Variants in MOB3B observed in about 807,000 individuals in gnomAD.
MOB3B encodes MOB kinase activator 3B.
MOB3B carries 7 observed loss-of-function variants against 18.7 expected under a neutral mutation model. The observed-to-expected ratio is 0.37, with a 90% confidence interval of 0.21 to 0.70. The LOEUF (loss-of-function observed/expected upper bound fraction) is 0.70, where lower values mean the gene tolerates loss of function less well. Among genes scored for constraint, MOB3B ranks in the 30% least tolerant of loss-of-function variants. The pLI is 0.52. For missense variants in MOB3B, 253 were observed against 281.3 expected, an observed-to-expected ratio of 0.90 and a Z score of 0.72; for synonymous variants, 111 against 99.9, an observed-to-expected ratio of 1.11 and a Z score of -0.66.
chr9:27,482,839 C>T (rs1338846837), intron 1 of MOB3B, among the ~76,000 whole-genome samples: 1 of 152,104 alleles, frequency 6.6e-6, no homozygotes. Flanking sequence ...TTGTATTCAT[C>T]AGAAGGCACA....
At chr9:27,513,634 C>T (rs1820179062) in intron 1 of MOB3B, among the ~76,000 whole-genome samples, 1 of 152,154 alleles carries the variant, frequency 6.6e-6, no homozygotes, top group South Asian at 2.1e-4. Context: ...TTGCTGTTCC[C>T]TCTGTCCAAA....
At chr9:27,505,384 C>G (rs1820043364) in intron 1 of MOB3B, among the ~76,000 whole-genome samples, 1 of 152,196 alleles carries the variant, frequency 6.6e-6, no homozygotes, top group African/African-American at 2.4e-5. Context: ...TCCCTAGATA[C>G]ATTCTACATT....
chr9:27,370,947 C>T (rs75789858), intron 2 of MOB3B, among the ~76,000 whole-genome samples: 7,016 of 152,142 alleles, frequency 0.046, 206 homozygotes, highest in African/African-American at 0.051. Flanking sequence ...TAAGGAGTAA[C>T]GCTACCGTGA....
chr9:27,400,631 G>C (rs945524138), intron 2 of MOB3B, among the ~76,000 whole-genome samples: 2 of 152,194 alleles, frequency 1.3e-5, no homozygotes, highest in African/African-American at 4.8e-5. Flanking sequence ...TATTTGTCTA[G>C]ACTGTGAACA....
Position 27,331,069 on chromosome 9 carries a change from T to C in MOB3B, c.622-453A>G, listed in dbSNP as rs1320826665. ...TCTTCGAGTAGGGAAAGATTTAAGTTTCAATCAAAGATGGAAAAATAAAGG... is the reference window on the plus strand; with the variant it reads ...TCTTCGAGTAGGGAAAGATTTAAGTCTCAATCAAAGATGGAAAAATAAAGG... On this transcript the variant is annotated intron_variant, in intron 3 of 3. Coordinates refer to ENST00000262244, the MANE Select transcript of MOB3B (RefSeq NM_024761.5). Among the ~76,000 whole-genome samples the C allele has an allele frequency of 4.6e-5, 7 of 152,060 alleles. No homozygotes were observed. The East Asian group carries it at 7.8e-4, about 17-fold the overall frequency.
At chr9:27,433,651 C>T (rs1341510340) in intron 2 of MOB3B, among the ~76,000 whole-genome samples, 4 of 152,230 alleles carry the variant, frequency 2.6e-5, no homozygotes, top group East Asian at 1.9e-4. Flanking sequence ...AGAGAAGCAG[C>T]GAAGGGAGGT....
At chr9:27,340,199 C>T (rs6475990) in intron 3 of MOB3B, among the ~76,000 whole-genome samples, 86,055 of 152,010 alleles carry the variant, frequency 0.57, 25,318 homozygotes, top group African/African-American at 0.72. Context: ...TGGAGGGGTG[C>T]GTGTGTGTGA....
At chr9:27,513,204 A>G (rs1820172136) in intron 1 of MOB3B, among the ~76,000 whole-genome samples, 1 of 152,174 alleles carries the variant, frequency 6.6e-6, no homozygotes, top group African/African-American at 2.4e-5. Context: ...TATTAACCTG[A>G]ACCCAAATAT....
intron 2 of MOB3B, 149 bp downstream of exon 2, chr9:27,454,984 C>T (rs1648156736): frequency 2.4e-6 from 2 of 829,708 alleles, no homozygotes; most frequent in Middle Eastern, 3.8e-4. Context: ...TTTTTCATTT[C>T]AATGAGGCTC....
intron 1 of MOB3B, among the ~76,000 whole-genome samples, chr9:27,466,320 T>G (rs1204076719): frequency 6.6e-6 from 1 of 152,176 alleles, no homozygotes. Flanking sequence ...GTTCCTCATC[T>G]CCATCTGAGA....
chr9:27,458,377 C>T (rs1234726781), intron 1 of MOB3B, among the ~76,000 whole-genome samples: 9 of 152,008 alleles, frequency 5.9e-5, no homozygotes, highest in Admixed American at 3.3e-4. Context: ...TGAATAACAC[C>T]GAATAATCAC....
intron 2 of MOB3B, among the ~76,000 whole-genome samples, chr9:27,409,709 A>G (rs1822035590): frequency 1.3e-5 from 2 of 151,328 alleles, no homozygotes; most frequent in Admixed American, 6.6e-5. Flanking sequence ...AGATAAATGG[A>G]TAAACAAAAT....
chr9:27,343,354 C>G (rs1401188048), intron 3 of MOB3B, among the ~76,000 whole-genome samples: 2 of 151,224 alleles, frequency 1.3e-5, no homozygotes, highest in African/African-American at 4.9e-5. Flanking sequence ...CCGCGGGGTC[C>G]TCTGTCTAGG....
chr9:27,495,525 C>T (rs1346100563), intron 1 of MOB3B, among the ~76,000 whole-genome samples: 4 of 152,094 alleles, frequency 2.6e-5, no homozygotes, highest in Admixed American at 6.5e-5. Flanking sequence ...GCTGGGAGCT[C>T]CTTGAAGACA....
chr9:27,448,684 T>G (rs1248579127), intron 2 of MOB3B, among the ~76,000 whole-genome samples: 1 of 152,142 alleles, frequency 6.6e-6, no homozygotes, highest in East Asian at 1.9e-4. Flanking sequence ...TGTCAGCAGA[T>G]GAAGTGTTTA....
Position 27,330,665 on chromosome 9 carries a change from A to C in MOB3B, c.622-49T>G, listed in dbSNP as rs767533902. The C allele has an allele frequency of 3.1e-6, 5 of 1,612,692 alleles. 1 individual carries two copies. The South Asian group carries it at 5.5e-5, about 18-fold the overall frequency. ...GGTTAGGAGAAACTATAAGCAGAGC[A>C]ACGATTTGGTGAAGGATCCTGAAAA... On this transcript the variant is annotated intron_variant, in intron 3 of 3. Coordinates refer to ENST00000262244, the MANE Select transcript of MOB3B (RefSeq NM_024761.5).
chr9:27,373,988 G>C (rs1821456895), intron 2 of MOB3B, among the ~76,000 whole-genome samples: 1 of 152,228 alleles, frequency 6.6e-6, no homozygotes, highest in Non-Finnish European at 1.5e-5. Flanking sequence ...CTGAACCACA[G>C]ACAGACATCT....
At chr9:27,410,935 A>G (rs944053495) in intron 2 of MOB3B, among the ~76,000 whole-genome samples, 2 of 152,152 alleles carry the variant, frequency 1.3e-5, no homozygotes, top group Non-Finnish European at 2.9e-5. Context: ...CGTCTTAACT[A>G]TTCTTTGAAA....
At chr9:27,405,019 GT>G (rs1232959740) in intron 2 of MOB3B, among the ~76,000 whole-genome samples, 1 of 141,684 alleles carries the variant, frequency 7.1e-6, no homozygotes, top group African/African-American at 2.6e-5. Context: ...TATTAATGAT[GT>G]TGAACATATT....
Sources: gnomAD v4.1 joint callset for allele counts (sites outside exome capture counted in the v4.1 genomes callset) on GRCh38, gnomAD v4.1.1 for gene constraint, MANE v1.5 for transcripts, NCBI Gene and HGNC (gene_info 2026-07-23, HGNC 2026-07-21) for gene names.